HYCC2: variants seen among roughly 807,000 people sequenced by gnomAD.
HYCC2 encodes the protein hyccin 2.
chr2:201,030,570 T>G, the HYCC2 span, among the ~76,000 whole-genome samples: 1,691 of 151,210 alleles, frequency 0.011, 39 homozygotes, highest in African/African-American at 0.039. Context: ...GATCTATAGA[T>G]CTATCTCATT....
the HYCC2 span, among the ~76,000 whole-genome samples, chr2:200,993,279 C>T: frequency 6.6e-6 from 1 of 152,182 alleles, no homozygotes; most frequent in South Asian, 2.1e-4. Flanking sequence ...TCATCTCTTT[C>T]GCAATCATCC....
chr2:201,053,106 A>G, the HYCC2 span, among the ~76,000 whole-genome samples: 2 of 152,072 alleles, frequency 1.3e-5, no homozygotes, highest in Non-Finnish European at 2.9e-5. Flanking sequence ...CAGATCCAGT[A>G]CTATCTATTA....
the HYCC2 span, among the ~76,000 whole-genome samples, chr2:200,991,884 G>C: frequency 6.7e-6 from 1 of 149,530 alleles, no homozygotes; most frequent in Non-Finnish European, 1.5e-5. Context: ...TACAAAACAA[G>C]AAACAAAAAA....
chr2:200,978,814 A>G, the HYCC2 span: 1 of 152,116 alleles, frequency 6.6e-6, no homozygotes, highest in African/African-American at 2.4e-5. Flanking sequence ...CAGGTATAAC[A>G]TAAGATTTCT....
the HYCC2 span, chr2:201,063,864 G>T: frequency 6.3e-7 from 1 of 1,592,890 alleles, no homozygotes; most frequent in Non-Finnish European, 8.5e-7. Context: ...GGTGGTGGAA[G>T]CTACAATGAT....
At chr2:200,981,950 C>A in the HYCC2 span, 1 of 1,476,498 alleles carries the variant, frequency 6.8e-7, no homozygotes, top group East Asian at 2.3e-5. This position sits in a 1 kb window ranked among gnomAD's most constrained non-coding sequence, Gnocchi z 4.5. Flanking sequence ...CTGACCTTAT[C>A]TCTTGGGCAA....
the HYCC2 span, among the ~76,000 whole-genome samples, chr2:201,034,021 A>T: frequency 6.6e-6 from 1 of 152,056 alleles, no homozygotes; most frequent in Non-Finnish European, 1.5e-5. Flanking sequence ...TTACTATTTT[A>T]AATTCCTATT....
At chr2:200,981,527 T>G in the HYCC2 span, 14 of 1,614,240 alleles carry the variant, frequency 8.7e-6, no homozygotes, top group Non-Finnish European at 1.1e-5. This position sits in a 1 kb window ranked among gnomAD's most constrained non-coding sequence, Gnocchi z 4.5. Context: ...GCTGTCCGGA[T>G]TAGACTTAAG....
the HYCC2 span, among the ~76,000 whole-genome samples, chr2:201,032,641 C>G: frequency 6.6e-6 from 1 of 152,102 alleles, no homozygotes; most frequent in Non-Finnish European, 1.5e-5. Flanking sequence ...TCTTTTCTAA[C>G]TAGTTATTGT....
the HYCC2 span, among the ~76,000 whole-genome samples, chr2:201,044,347 G>C: frequency 6.6e-6 from 1 of 152,168 alleles, no homozygotes; most frequent in Non-Finnish European, 1.5e-5. Context: ...CTTGGGATTA[G>C]AGCTAGGATT....
At chr2:201,049,341 C>T in the HYCC2 span, among the ~76,000 whole-genome samples, 1 of 151,782 alleles carries the variant, frequency 6.6e-6, no homozygotes, top group Non-Finnish European at 1.5e-5. Flanking sequence ...AATTTGAATT[C>T]TTTTCTTTTT....
At chr2:201,033,571 T>C in the HYCC2 span, among the ~76,000 whole-genome samples, 1 of 151,462 alleles carries the variant, frequency 6.6e-6, no homozygotes, top group African/African-American at 2.4e-5. Flanking sequence ...GCCCGGCTAA[T>C]TTTTTTGTAT....
the HYCC2 span, among the ~76,000 whole-genome samples, chr2:201,033,371 A>ATTTATTTTATTTTAT: frequency 1.7e-4 from 25 of 144,152 alleles, no homozygotes; most frequent in Non-Finnish European, 2.4e-4. Context: ...TGCTTGGCTA[A>ATTTATTTTATTTTAT]TTTATTTTAT....
chr2:201,008,270 A>T, the HYCC2 span, among the ~76,000 whole-genome samples: 3 of 152,196 alleles, frequency 2.0e-5, no homozygotes, highest in African/African-American at 7.2e-5. Flanking sequence ...AAAAATTTCT[A>T]AATTGCAGTA....
chr2:201,001,077 G>A, the HYCC2 span, among the ~76,000 whole-genome samples: 2 of 151,152 alleles, frequency 1.3e-5, no homozygotes, highest in South Asian at 2.1e-4. Flanking sequence ...GGCAGAGGGT[G>A]CAGTGAGCCA....
At chr2:201,047,825 C>T in the HYCC2 span, among the ~76,000 whole-genome samples, 1 of 144,208 alleles carries the variant, frequency 6.9e-6, no homozygotes, top group East Asian at 2.0e-4. Flanking sequence ...AAAATAACTG[C>T]TAATCTAGAA....
At chr2:201,039,625 T>C in the HYCC2 span, among the ~76,000 whole-genome samples, 1 of 152,190 alleles carries the variant, frequency 6.6e-6, no homozygotes, top group Non-Finnish European at 1.5e-5. Flanking sequence ...CAAAGCTGTA[T>C]CATACAGTGA....
the HYCC2 span, chr2:201,011,294 AAG>A: frequency 1.6e-6 from 1 of 636,504 alleles, no homozygotes; most frequent in Admixed American, 3.7e-5. Context: ...CAAATCAGTA[AAG>A]ATATTTTAGG....
chr2:201,006,795 G>T, the HYCC2 span, among the ~76,000 whole-genome samples: 1 of 152,104 alleles, frequency 6.6e-6, no homozygotes, highest in Non-Finnish European at 1.5e-5. Context: ...TGTTGGTAAG[G>T]TTATAATATT....
Sources: allele counts gnomAD v4.1 joint callset (sites outside exome capture counted in the v4.1 genomes callset), GRCh38; gene constraint gnomAD v4.1.1; non-coding constraint Gnocchi (gnomAD v3.1); transcripts MANE v1.5; gene names NCBI Gene and HGNC (gene_info 2026-07-23, HGNC 2026-07-21).